SLC26A9: variants seen among roughly 807,000 people sequenced by gnomAD.
The protein encoded by SLC26A9 is solute carrier family 26 member 9.
SLC26A9 carries 46 observed loss-of-function variants against 87.1 expected under a neutral mutation model. That is an observed-to-expected ratio of 0.53 (90% CI 0.42 to 0.67). The LOEUF is 0.67. SLC26A9 is among the 30% of genes least tolerant of loss of function. The pLI is 0.00. For missense variants in SLC26A9, 927 were observed against 1,018.3 expected (o/e 0.91, Z 1.22); for synonymous variants, 437 against 409.1 (o/e 1.07, Z -0.82).
intron 2 of SLC26A9, 178 bp downstream of exon 2, chr1:205,935,518 C>A (rs1351332141): frequency 7.4e-6 from 7 of 941,650 alleles, no homozygotes; most frequent in Non-Finnish European, 1.1e-5. Context: ...CCCATCCTCC[C>A]TGGGGGTCTC....
intron 1 of SLC26A9, among the ~76,000 whole-genome samples, chr1:205,941,439 T>C (rs973666041): frequency 1.3e-5 from 2 of 152,186 alleles, no homozygotes; most frequent in East Asian, 1.9e-4. Context: ...CCCAAAGTGC[T>C]GAGATTACAG....
chr1:205,935,449 T>C (rs1373146482), intron 2 of SLC26A9, among the ~76,000 whole-genome samples: 1 of 152,046 alleles, frequency 6.6e-6, no homozygotes, highest in African/African-American at 2.4e-5. Context: ...ATATGGGAGA[T>C]GCCATGCAGG....
intron 19 of SLC26A9, among the ~76,000 whole-genome samples, chr1:205,918,138 G>A (rs1485764043): frequency 6.6e-6 from 1 of 152,168 alleles, no homozygotes; most frequent in Non-Finnish European, 1.5e-5. Context: ...GGCAGGGGAG[G>A]TTTTTACCCA....
intron 20 of SLC26A9, 69 bp from the exon 21 acceptor site, chr1:205,915,473 G>A: frequency 6.2e-7 from 1 of 1,606,802 alleles, no homozygotes; most frequent in South Asian, 1.1e-5. Context: ...CACAGTGGCT[G>A]CAACCAAGAG....
At chr1:205,939,300 C>T (rs1659643529) in intron 1 of SLC26A9, among the ~76,000 whole-genome samples, 1 of 152,186 alleles carries the variant, frequency 6.6e-6, no homozygotes, top group Non-Finnish European at 1.5e-5. Context: ...AAGCTGATCT[C>T]AGGACAATGT....
intron 5 of SLC26A9, among the ~76,000 whole-genome samples, chr1:205,930,726 G>T (rs1282830107): frequency 1.3e-5 from 2 of 152,088 alleles, no homozygotes; most frequent in Non-Finnish European, 2.9e-5. Flanking sequence ...CTTTGCCTGC[G>T]CAGATCACAC....
At chr1:205,936,609 C>T (rs1645986312) in intron 1 of SLC26A9, among the ~76,000 whole-genome samples, 1 of 152,108 alleles carries the variant, frequency 6.6e-6, no homozygotes, top group South Asian at 2.1e-4. Context: ...AACCTTTCCC[C>T]CTCCCTCTTC....
At chr1:205,921,374 T>C (rs1285155972) in intron 17 of SLC26A9, among the ~76,000 whole-genome samples, 192 bp downstream of exon 17, 1 of 152,124 alleles carries the variant, frequency 6.6e-6, no homozygotes, top group African/African-American at 2.4e-5. Context: ...TCATGGGCCG[T>C]CTGGGCCTGC....
intron 8 of SLC26A9, 66 bp downstream of exon 8, chr1:205,928,761 C>A: frequency 6.8e-7 from 1 of 1,479,152 alleles, no homozygotes; most frequent in Non-Finnish European, 9.4e-7. Context: ...GTCTCCCTCT[C>A]CGAGCTCAGG....
At chr1:205,917,652 C>T (rs16830370) in intron 19 of SLC26A9, among the ~76,000 whole-genome samples, 13,449 of 152,214 alleles carry the variant, frequency 0.088, 693 homozygotes, top group African/African-American at 0.13. Context: ...TGGGGAATTC[C>T]TGTCCTCCTG....
Position 205,923,365 on chromosome 1 carries a change from T to C in SLC26A9, c.1629A>G (p.Ser543=). The part of the protein sequence containing the change: ...TYCSPLYFAN[S]EIFRQKVIAK... ...CGATGACCTTTTGCCTGAAGATCTC[T>C]GAGTTGGCAAAGTAGAGAGGGGAGC... The change falls in exon 15 of 21, where the codon TCA becomes TCG. Residue 543 remains serine, a synonymous_variant. Coordinates refer to ENST00000367135, the MANE Select transcript of SLC26A9 (RefSeq NM_052934.4). 1 of 1,614,168 alleles carries C rather than the reference T, an allele frequency of 6.2e-7. No homozygotes were observed. Among genetic ancestry groups the C allele is most frequent in the Non-Finnish European group, 8.5e-7 (1 of 1,180,024 alleles).
In SLC26A9 at chr1:205,927,284, G is replaced by A. The variant is rs1345490835; in HGVS notation, c.1220C>T (p.Ala407Val). Residue 407 changes from alanine (A) to valine (V), a missense_variant, in exon 11 of 21, where the codon GCC (alanine) becomes GTC (valine). Transcript: ENST00000367135. ...VDGAGGKSQV[A>V]SLCVSLVVMI... ...CACCACCAGAGACACACACAGGCTG[G>A]CCACCTATTCCGAGAAAGAGTTGGG... The A allele has an allele frequency of 6.2e-7, 1 of 1,614,166 alleles. No homozygotes were observed.
chr1:205,938,094 A>G (rs1417610582), intron 1 of SLC26A9, among the ~76,000 whole-genome samples: 1 of 151,678 alleles, frequency 6.6e-6, no homozygotes, highest in Non-Finnish European at 1.5e-5. Flanking sequence ...ATTCCGCTGA[A>G]CCCTACTATC....
In SLC26A9 at chr1:205,929,564, T is replaced by C. The variant is rs76314269; in HGVS notation, c.718-208A>G. Among the ~76,000 whole-genome samples, 955 of 152,320 alleles carry C rather than the reference T, an allele frequency of 6.3e-3. 2 individuals are homozygous for C. Among genetic ancestry groups the C allele is most frequent in the Middle Eastern group, 0.037 (11 of 294 alleles). ...GGAACTTGTGCTAGAAAAGGAATGC[T>C]TTCTTTTTCTTTAGAAGAGTTTGGG... On this transcript the variant is annotated intron_variant, in intron 6 of 20. Coordinates refer to ENST00000367135, the MANE Select transcript of SLC26A9 (RefSeq NM_052934.4).
chr1:205,917,135 A>C (rs537119113), intron 20 of SLC26A9, 148 bp downstream of exon 20: 23 of 657,350 alleles, frequency 3.5e-5, no homozygotes, highest in African/African-American at 3.5e-4. Flanking sequence ...GAAAAAAAAC[A>C]AAGATGACCA....
intron 1 of SLC26A9, among the ~76,000 whole-genome samples, chr1:205,936,278 T>G (rs1054977052): frequency 2.0e-5 from 3 of 152,036 alleles, no homozygotes; most frequent in Non-Finnish European, 1.5e-5. Context: ...ATTCAGCCAG[T>G]CAGCTTGGAA....
rs775305811 is a variant in SLC26A9, at chr1:205,924,409, G to T, written c.1470C>A (p.Val490=). 4 of 1,614,104 alleles carry T rather than the reference G, an allele frequency of 2.5e-6. No individual in the cohort carries two copies. The highest frequency in any genetic ancestry group is 1.3e-5 in the African/African-American group (1 of 74,942). ...YGVAVGVAFS[V]LVVVFQTQFR... is the part of the protein sequence containing the mutation. ...ACTGAGTCTGGAAGACCACGACCAGGACGGAGAAGGCGACACCCACTGCCA... is the reference window on the plus strand; with the variant it reads ...ACTGAGTCTGGAAGACCACGACCAGTACGGAGAAGGCGACACCCACTGCCA... The change falls in exon 13 of 21, where the codon GTC becomes GTA. Residue 490 remains valine, a synonymous_variant. Transcript: ENST00000367135.
rs137865748 is a variant in SLC26A9 at position 205,927,976 on chromosome 1, C to T, written c.1027G>A (p.Val343Met). Residue 343 changes from valine (V) to methionine (M), a missense_variant, in exon 9 of 21, where the codon GTG becomes ATG. Transcript: ENST00000367135. ...ATAGCCAGGTTGATGACGTAGCTCA[C>T]GATGGCTAGGGAGAAGGCTGTGCCT... ...MIGTAFSLAI[V>M]SYVINLAMGR... The T allele has an allele frequency of 9.9e-5, 160 of 1,614,054 alleles. No individual in the cohort carries two copies. Among genetic ancestry groups the T allele is most frequent in the South Asian group, 3.5e-4 (32 of 91,088 alleles).
At chr1:205,924,288 T>C (rs1658974187) in intron 13 of SLC26A9, 95 bp downstream of exon 13, 1 of 1,177,832 alleles carries the variant, frequency 8.5e-7, no homozygotes, top group African/African-American at 1.5e-5. Flanking sequence ...AGGTGGAAGG[T>C]ACAGTGGACT....
Sources: gnomAD v4.1 joint callset for allele counts (sites outside exome capture counted in the v4.1 genomes callset) on GRCh38, gnomAD v4.1.1 for gene constraint, MANE v1.5 for transcripts, NCBI Gene and HGNC (gene_info 2026-07-23, HGNC 2026-07-21) for gene names.